APC: variants seen among roughly 807,000 people sequenced by gnomAD.
APC encodes adenomatous polyposis coli protein.
A neutral mutation model predicts 247.0 loss-of-function variants in APC; 72 were observed. The observed-to-expected ratio is 0.29, with a 90% CI of 0.24 to 0.35. APC has a LOEUF of 0.35. Among genes scored for constraint, APC ranks in the 10% least tolerant of loss-of-function variants. The probability of loss-of-function intolerance (pLI) is 1.00; values close to 1 mark genes in which losing one functional copy is unlikely to be tolerated. For synonymous variants in APC, 1,254 were observed against 1,162.5 expected (o/e 1.08, Z -1.60); for missense variants, 3,400 against 3,360.7 (o/e 1.01, Z -0.29).
intron 1 of APC, chr5:112,707,952 G>C (rs2149631950): frequency 7.8e-7 from 1 of 1,285,260 alleles, no homozygotes; most frequent in Non-Finnish European, 1.0e-6. Flanking sequence ...GCCGCTGCTC[G>C]GGACCCTACG....
rs587780603 is a variant in APC, at chr5:112,842,719, A to C, written c.7125A>C (p.Gln2375His). Residue 2375 changes from glutamine (Q) to histidine (H), a missense_variant, in exon 16 of 16, where the codon CAA (glutamine) becomes CAC (histidine). Physicochemically the swap from Gln to His is conservative, Grantham distance 24. Transcript: ENST00000257430. ...CATCTCCAGGTAGACAGATGAGCCAACAGAACCTTACCAAACAAACAGGTT... is the reference window on the plus strand; with the variant it reads ...CATCTCCAGGTAGACAGATGAGCCACCAGAACCTTACCAAACAAACAGGTT... The part of the protein sequence containing the change: ...SYTSPGRQMS[Q>H]QNLTKQTGLS... 1 of 1,613,966 alleles carries C rather than the reference A, an allele frequency of 6.2e-7. No homozygotes were observed. Among genetic ancestry groups the C allele is most frequent in the Non-Finnish European group, 8.5e-7 (1 of 1,179,850 alleles).
chr5:112,801,479 A>G (rs1038705921), intron 8 of APC, 96 bp downstream of exon 8: 24 of 933,558 alleles, frequency 2.6e-5, no homozygotes, highest in South Asian at 1.2e-4. Context: ...AATCTTACCT[A>G]TTTTCTTAGT....
At chr5:112,757,314 T>C (rs1017750565) in intron 2 of APC, among the ~76,000 whole-genome samples, 1 of 152,212 alleles carries the variant, frequency 6.6e-6, no homozygotes, top group Non-Finnish European at 1.5e-5. Flanking sequence ...CCATTGGCAC[T>C]TCCTACTGTG....
intron 1 of APC, among the ~76,000 whole-genome samples, chr5:112,718,505 A>T (rs572885757): frequency 6.6e-6 from 1 of 152,140 alleles, no homozygotes; most frequent in East Asian, 1.9e-4. Flanking sequence ...TGCAGTCCTC[A>T]CCCTTGGTGG....
chr5:112,826,272 G>T (rs1230658021), intron 11 of APC, among the ~76,000 whole-genome samples: 1 of 152,020 alleles, frequency 6.6e-6, no homozygotes, highest in Non-Finnish European at 1.5e-5. Flanking sequence ...AATATTTGAT[G>T]AATTATATTT....
At chr5:112,783,883 T>C (rs1758654540) in intron 6 of APC, 1 of 294,442 alleles carries the variant, frequency 3.4e-6, no homozygotes, top group Admixed American at 4.8e-5. Context: ...TAAGTTCAAG[T>C]GTCTAATAAA....
intron 11 of APC, among the ~76,000 whole-genome samples, chr5:112,823,825 A>G (rs1243093640): frequency 6.6e-6 from 1 of 152,166 alleles, no homozygotes; most frequent in Non-Finnish European, 1.5e-5. Context: ...CTAAATCATA[A>G]TGATCACCCA....
Position 112,712,559 on chromosome 5 carries a change from C to CTT in APC, c.165+4692_165+4693dup, listed in dbSNP as rs1044831987. On this transcript the variant is annotated intron_variant, in intron 1 of 13. Coordinates refer to the APC transcript ENST00000507379. ...CAGGTGTGCATCACCACACCCAGCC[C>CTT]TTTTTTTTTTTTTTTTAAGCGACCG... 1.1e-4 allele frequency among the ~76,000 whole-genome samples: 16 copies of CTT among 140,808 alleles called. No individual in the cohort carries two copies. In the South Asian group the frequency reaches 1.2e-3, roughly 10 times the overall value. 92.4% of individuals were successfully genotyped at this position (140,808 alleles called of 152,430 possible). A position where few individuals can be genotyped will look rare whatever the true frequency, so the allele number is the denominator to read the frequency against.
intron 15 of APC, among the ~76,000 whole-genome samples, 187 bp from the exon 16 acceptor site, chr5:112,837,366 T>A (rs1023934803): frequency 2.0e-5 from 3 of 151,872 alleles, no homozygotes. Context: ...CTTTTTTTAG[T>A]GTGACAGATT....
rs370955311 is a variant in APC at position 112,835,018 on chromosome 5, C to T, written c.1811C>T (p.Ala604Val). The T allele has an allele frequency of 6.2e-7, 1 of 1,614,086 alleles. No homozygotes were observed. Among genetic ancestry groups the T allele is most frequent in the Non-Finnish European group, 8.5e-7 (1 of 1,179,992 alleles). Residue 604 changes from alanine (A) to valine (V), a missense_variant, in exon 15 of 16, where the codon GCT (alanine) becomes GTT (valine). Around this residue, in one of 9 missense-constraint regions of APC, gnomAD observed 184 missense variants for 248.0 expected, o/e 0.74. Coordinates refer to ENST00000257430, the MANE Select transcript of APC (RefSeq NM_000038.6). ...TCAGCACATTGCACTGAGAATAAAG[C>T]TGATATATGTGCTGTAGATGGTGCA... ...NLSAHCTENK[A>V]DICAVDGALA...
At chr5:112,737,758 A>G, upstream of APC, 1 of 826,818 alleles carries the variant, frequency 1.2e-6, no homozygotes, top group Non-Finnish European at 1.5e-6. Context: ...CGGAGAGAGA[A>G]GCAGCTGTGT....
chr5:112,750,545 A>G (rs1754237324), intron 1 of APC, among the ~76,000 whole-genome samples: 1 of 151,244 alleles, frequency 6.6e-6, no homozygotes, highest in South Asian at 2.1e-4. Context: ...CATTCTTCTT[A>G]ATACCAATGT....
chr5:112,798,179 A>G (rs1419815594), intron 7 of APC, among the ~76,000 whole-genome samples: 1 of 152,236 alleles, frequency 6.6e-6, no homozygotes, highest in African/African-American at 2.4e-5. Flanking sequence ...AGCAGTGCAA[A>G]TGTGTATCAA....
intron 1 of APC, among the ~76,000 whole-genome samples, chr5:112,726,893 G>A (rs987978289): frequency 2.0e-5 from 3 of 151,974 alleles, no homozygotes; most frequent in Non-Finnish European, 4.4e-5. Flanking sequence ...TTTGAAAAAG[G>A]GAATTACATT....
At position 112,817,739 on chromosome 5, in the gene APC, T is replaced by C. The variant is rs1463856338; in HGVS notation, c.934-1227T>C. 7.9e-5 allele frequency among the ~76,000 whole-genome samples: 12 copies of C among 152,202 alleles called. 1 individual carries two copies. The highest frequency in any genetic ancestry group is 1.5e-4 in the Non-Finnish European group (10 of 68,028). ...ACTGTCCTATACATGTATTATTTTA[T>C]TTCACCTTAATGGAGAAAACCTTGT... is the stretch of plus-strand genomic sequence containing the variant. On this transcript the variant is annotated intron_variant, in intron 9 of 15. Transcript: ENST00000257430.
Position 112,840,360 on chromosome 5 carries a change from G to A in APC, c.4766G>A (p.Arg1589His), listed in dbSNP as rs374048423. Residue 1589 changes from arginine to histidine, a missense_variant, in exon 16 of 16, where the codon CGT becomes CAT. By Grantham distance (29) the Arg-to-His change is conservative (BLOSUM62 0). This residue lies in a region of APC where 1,788 missense variants were observed against 1,649.5 expected (regional missense o/e 1.08). Transcript: ENST00000257430. The surrounding 1 kb of genome is among the most constrained non-coding windows in gnomAD (Gnocchi z 4.1). The part of the protein sequence containing the change: ...IISAMPTKSS[R>H]KAKKPAQTAS... ...TCTGCCATGCCAACAAAGTCATCAC[G>A]TAAAGCAAAAAAGCCAGCCCAGACT... 52 of 1,614,028 alleles carry A rather than the reference G, an allele frequency of 3.2e-5. No homozygotes were observed. Among genetic ancestry groups the A allele is most frequent in the Non-Finnish European group, 4.2e-5 (50 of 1,180,010 alleles).
chr5:112,709,363 AAAG>A (rs1382974581), intron 1 of APC, among the ~76,000 whole-genome samples: 1 of 152,190 alleles, frequency 6.6e-6, no homozygotes, highest in Non-Finnish European at 1.5e-5. Flanking sequence ...GTTCAGCTTA[AAAG>A]AAGGAGGAAT....
intron 1 of APC, among the ~76,000 whole-genome samples, chr5:112,726,276 G>A (rs1751772105): frequency 1.3e-5 from 2 of 152,330 alleles, no homozygotes; most frequent in South Asian, 4.1e-4. Flanking sequence ...GTTGTACACG[G>A]ACTTGAAGGA....
At position 112,766,355 on chromosome 5, in the gene APC, T is replaced by A. The variant is rs1756322448; in HGVS notation, c.165T>A (p.Ile55=). The A allele has an allele frequency of 6.2e-7, 1 of 1,611,230 alleles. No individual in the cohort carries two copies. Among genetic ancestry groups the A allele is most frequent in the African/African-American group, 1.3e-5 (1 of 74,872 alleles). The change falls in exon 3 of 16, where the codon ATT becomes ATA. Residue 55 remains isoleucine (I), a synonymous_variant. Coordinates refer to ENST00000257430, the MANE Select transcript of APC (RefSeq NM_000038.6). ...KEVLKQLQGS[I]EDEAMASSGQ... is the part of the protein sequence containing the mutation. Reference sequence around the variant, plus strand: ...TACTTAAACAACTACAAGGAAGTATTGAAGATGAAGCTATGGCTTCTTCTG... The same window carrying A: ...TACTTAAACAACTACAAGGAAGTATAGAAGATGAAGCTATGGCTTCTTCTG...
Sources: allele counts gnomAD v4.1 joint callset (sites outside exome capture counted in the v4.1 genomes callset), GRCh38; gene constraint gnomAD v4.1.1; regional missense constraint gnomAD v4.1.1; non-coding constraint Gnocchi (gnomAD v3.1); transcripts MANE v1.5; gene names NCBI Gene and HGNC (gene_info 2026-07-23, HGNC 2026-07-21).